SLCO1C1: variants seen among roughly 807,000 people sequenced by gnomAD.
SLCO1C1 encodes OAT-RP-5.
SLCO1C1 carries 70 observed loss-of-function variants against 76.4 expected under a neutral mutation model. The ratio of observed to expected loss-of-function variants is 0.92; its 90% confidence interval spans 0.76 to 1.12. SLCO1C1 has a LOEUF of 1.12. Ranked by LOEUF, SLCO1C1 falls within the 50% of genes most tolerant of loss-of-function variation. The pLI is 0.00. For synonymous variants in SLCO1C1, 306 were observed against 286.1 expected (o/e 1.07, Z -0.70); for missense variants, 912 against 823.8 (o/e 1.11, Z -1.31).
intron 11 of SLCO1C1, among the ~76,000 whole-genome samples, chr12:20,739,405 T>G (rs1470558395): frequency 6.6e-6 from 1 of 152,084 alleles, no homozygotes; most frequent in Non-Finnish European, 1.5e-5. Flanking sequence ...TTTGTTTTTT[T>G]TTTTAAATGG....
chr12:20,701,439 T>C lies in SLCO1C1; in HGVS notation c.251T>C (p.Ile84Thr), dbSNP rs145845267. 18 of 1,513,456 alleles carry C rather than the reference T, an allele frequency of 1.2e-5. No individual in the cohort carries two copies. The highest frequency in any genetic ancestry group is 5.5e-5 in the African/African-American group (4 of 72,918). The allele number at this position is 1,513,456 out of a possible 1,614,324, so 93.8% of individuals were successfully genotyped here. A position where few individuals can be genotyped will look rare whatever the true frequency, so the allele number is the denominator to read the frequency against. ...ATCCCTTCTTCACTGGTGGGAGTTA[T>C]TGATGGTAGTTTTGAAATTGGTAGG... ...FDIPSSLVGV[I>T]DGSFEIGNLL... Residue 84 changes from isoleucine to threonine, a missense_variant, in exon 3 of 15, where the codon ATT becomes ACT. By Grantham distance (89) the Ile-to-Thr change is moderately conservative. Transcript: ENST00000266509.
chr12:20,705,832 A>C (rs908889258), intron 3 of SLCO1C1, 117 bp from the exon 4 acceptor site: 2 of 980,094 alleles, frequency 2.0e-6, no homozygotes, highest in Non-Finnish European at 3.0e-6. Flanking sequence ...TAAATGATGC[A>C]GAGATGGCTT....
At chr12:20,717,861 G>C (rs529369694) in intron 7 of SLCO1C1, among the ~76,000 whole-genome samples, 8 of 151,452 alleles carry the variant, frequency 5.3e-5, no homozygotes, top group Non-Finnish European at 1.2e-4. Flanking sequence ...TTTGGAAATA[G>C]ATGGCATTTG....
In SLCO1C1 at chr12:20,699,688, T is replaced by A. The variant is rs1565495389; in HGVS notation, c.112T>A (p.Cys38Ser). ...TCCCTCCTCAGAAGAAAAGCAACCATGCTGTGGTGAACTAAAGGTAGAGCA... is the reference window on the plus strand; with the variant it reads ...TCCCTCCTCAGAAGAAAAGCAACCAAGCTGTGGTGAACTAAAGGTAGAGCA... ...EYPSSEEKQP[C>S]CGELKVFLCA... The change falls in exon 2 of 15, where the codon TGC becomes AGC. Residue 38 changes from cysteine (C) to serine (S), a missense_variant. Transcript: ENST00000266509. 1 of 1,611,420 alleles carries A rather than the reference T, an allele frequency of 6.2e-7. No homozygotes were observed. The highest frequency in any genetic ancestry group is 2.2e-5 in the East Asian group (1 of 44,764).
intron 11 of SLCO1C1, among the ~76,000 whole-genome samples, chr12:20,739,433 C>T (rs952044762): frequency 6.7e-6 from 1 of 149,570 alleles, no homozygotes; most frequent in African/African-American, 2.5e-5. Context: ...TAGAAGGTCT[C>T]TATTAAAACC....
At position 20,699,585 on chromosome 12, in the gene SLCO1C1, T is replaced by A. The variant is rs756045394; in HGVS notation, c.9T>A (p.Thr3=). MD[T]SSKENIQLFC... is the part of the protein sequence containing the mutation. ...CAAGGAATGTGTTTATAATGGACAC[T>A]TCATCCAAAGAAAATATCCAGTTGT... Residue 3 remains threonine (T), a synonymous_variant, in exon 2 of 15, where the codon ACT becomes ACA. Transcript: ENST00000266509. The A allele has an allele frequency of 6.2e-7, 1 of 1,610,934 alleles. No individual in the cohort carries two copies. The highest frequency in any genetic ancestry group is 1.7e-5 in the Admixed American group (1 of 59,512).
chr12:20,728,391 C>T lies in SLCO1C1; in HGVS notation c.1187-4518C>T, dbSNP rs1470021348. Among the ~76,000 whole-genome samples, 3 of 151,984 alleles carry T rather than the reference C, an allele frequency of 2.0e-5. No individual in the cohort carries two copies. In the East Asian group the frequency reaches 5.8e-4, roughly 29 times the overall value. On this transcript the variant is annotated intron_variant, in intron 9 of 14. Transcript: ENST00000266509. The stretch of plus-strand genomic sequence containing the variant: ...TTAAGTTACATACAAATGATCTTAT[C>T]TTTTCCTTCTCAATACAGAGACTGT...
chr12:20,718,076 T>C (rs1255334328), intron 7 of SLCO1C1, among the ~76,000 whole-genome samples: 2 of 152,222 alleles, frequency 1.3e-5, no homozygotes, highest in African/African-American at 2.4e-5. Context: ...TTGCATTTAC[T>C]TTATGCCAGG....
chr12:20,748,700 T>G (rs576155842), intron 13 of SLCO1C1, among the ~76,000 whole-genome samples: 1 of 152,334 alleles, frequency 6.6e-6, no homozygotes, highest in South Asian at 2.1e-4. Context: ...TTTGTGACAT[T>G]TATATTTTTT....
chr12:20,698,203 T>G (rs1386826028), intron 1 of SLCO1C1, among the ~76,000 whole-genome samples: 1 of 152,056 alleles, frequency 6.6e-6, no homozygotes, highest in Non-Finnish European at 1.5e-5. Flanking sequence ...TATCTTTGTT[T>G]TTTGTCTTGA....
chr12:20,730,871 C>T (rs1429930297), intron 9 of SLCO1C1, among the ~76,000 whole-genome samples: 1 of 152,148 alleles, frequency 6.6e-6, no homozygotes, highest in Non-Finnish European at 1.5e-5. Context: ...TACTCAAACA[C>T]CGATAATCAG....
intron 5 of SLCO1C1, among the ~76,000 whole-genome samples, chr12:20,712,777 A>T (rs1947178740): frequency 6.6e-6 from 1 of 152,138 alleles, no homozygotes. Context: ...GGGAGGGGCC[A>T]AAGGACTAAA....
chr12:20,724,480 A>T lies in SLCO1C1; in HGVS notation c.1186+1226A>T, dbSNP rs963987677. Among the ~76,000 whole-genome samples the T allele has an allele frequency of 2.6e-5, 3 of 114,906 alleles. No individual in the cohort carries two copies. In the Admixed American group the frequency reaches 2.7e-4, roughly 10 times the overall value. 75.4% of individuals were successfully genotyped at this position (114,906 alleles called of 152,430 possible). ...GTGTGTGTGTGTGTGTGTGTGTGTC[A>T]CATCCAGCATCCAGAACATACAGAA... On this transcript the variant is annotated intron_variant, in intron 9 of 14. Coordinates refer to ENST00000266509, the MANE Select transcript of SLCO1C1 (RefSeq NM_017435.5).
chr12:20,743,401 G>C (rs1398312092), intron 13 of SLCO1C1, 32 bp downstream of exon 13: 1 of 1,514,188 alleles, frequency 6.6e-7, no homozygotes, highest in Non-Finnish European at 9.2e-7. Context: ...ATTTATGGTA[G>C]ACACCGTAAG....
chr12:20,724,571 A>G (rs982038394), intron 9 of SLCO1C1, among the ~76,000 whole-genome samples: 3 of 148,218 alleles, frequency 2.0e-5, no homozygotes, highest in Non-Finnish European at 3.0e-5. Flanking sequence ...GCTAATAACT[A>G]TACTAAACTA....
At chr12:20,752,040 G>T (rs536277808) in intron 14 of SLCO1C1, among the ~76,000 whole-genome samples, 2 of 152,236 alleles carry the variant, frequency 1.3e-5, no homozygotes, top group Admixed American at 6.5e-5. Flanking sequence ...CAGGGATATG[G>T]TTACCTGGTC....
At chr12:20,728,720 G>T (rs1948143109) in intron 9 of SLCO1C1, among the ~76,000 whole-genome samples, 1 of 151,946 alleles carries the variant, frequency 6.6e-6, no homozygotes, top group African/African-American at 2.4e-5. Flanking sequence ...CAAGGCATCG[G>T]TTTGGAAATC....
In SLCO1C1 at chr12:20,752,403, C is replaced by T. The variant is rs1949353615; in HGVS notation, c.2014C>T (p.His672Tyr). The T allele has an allele frequency of 6.2e-7, 1 of 1,613,130 alleles. No individual in the cohort carries two copies. The change falls in exon 15 of 15, where the codon CAC becomes TAC. Residue 672 changes from histidine to tyrosine, a missense_variant. By Grantham distance (83) the His-to-Tyr change is moderately conservative. Coordinates refer to ENST00000266509, the MANE Select transcript of SLCO1C1 (RefSeq NM_017435.5). ...FILKKNYVSK[H>Y]RSFITKRERT... ...TTTAAAGAAAAATTATGTTTCAAAA[C>T]ACAGAAGTTTTATAACCAAGAGAGA...
chr12:20,719,701 G>T (rs927635785), intron 7 of SLCO1C1, among the ~76,000 whole-genome samples: 14 of 152,216 alleles, frequency 9.2e-5, no homozygotes, highest in Non-Finnish European at 1.6e-4. Flanking sequence ...AAGGCTGAAA[G>T]AGATGAGGAA....
Sources: gnomAD v4.1 joint callset for allele counts (sites outside exome capture counted in the v4.1 genomes callset) on GRCh38, gnomAD v4.1.1 for gene constraint, MANE v1.5 for transcripts, NCBI Gene and HGNC (gene_info 2026-07-23, HGNC 2026-07-21) for gene names.